Variants in NHSL1 observed in about 807,000 individuals in gnomAD.
NHSL1 encodes NHS-like protein 1.
In NHSL1, 48 loss-of-function variants were observed where a neutral mutation model predicts 95.0. The ratio of observed to expected loss-of-function variants is 0.51; its 90% CI spans 0.40 to 0.64. The LOEUF (loss-of-function observed/expected upper bound fraction) is 0.64. Among genes scored for constraint, NHSL1 ranks in the 30% least tolerant of loss-of-function variants. NHSL1 has a pLI of 0.00. For synonymous variants in NHSL1, 783 were observed against 833.9 expected, an observed-to-expected ratio of 0.94 and a Z score of 1.05; for missense variants, 1,971 against 2,077.7, an observed-to-expected ratio of 0.95 and a Z score of 1.00.
At chr6:138,527,261 G>GA (rs35598042) in intron 1 of NHSL1, among the ~76,000 whole-genome samples, 24,889 of 147,050 alleles carry the variant, frequency 0.17, 2,050 homozygotes, top group Middle Eastern at 0.18. Context: ...GTACAGAAGG[G>GA]AAAAAAAAAA....
At chr6:138,452,005 T>C (rs1203707962) in intron 3 of NHSL1, among the ~76,000 whole-genome samples, 1 of 152,256 alleles carries the variant, frequency 6.6e-6, no homozygotes, top group African/African-American at 2.4e-5. Flanking sequence ...AAATGCTTCA[T>C]GTTAATGAAA....
chr6:138,485,841 T>C (rs1779695676), intron 2 of NHSL1, among the ~76,000 whole-genome samples: 1 of 152,182 alleles, frequency 6.6e-6, no homozygotes, highest in Non-Finnish European at 1.5e-5. Flanking sequence ...TTTTAAGCCT[T>C]TAATAATATC....
chr6:138,466,650 A>G (rs74316573), intron 3 of NHSL1, among the ~76,000 whole-genome samples: 8,463 of 152,210 alleles, frequency 0.056, 650 homozygotes, highest in East Asian at 0.29. Context: ...GTCCCATAAG[A>G]TCATAACGGA....
At chr6:138,568,562 T>G (rs1220718741) in intron 1 of NHSL1, among the ~76,000 whole-genome samples, 1 of 152,256 alleles carries the variant, frequency 6.6e-6, no homozygotes, top group Non-Finnish European at 1.5e-5. Flanking sequence ...TGATCATTGC[T>G]GTTACCCAGT....
intron 1 of NHSL1, among the ~76,000 whole-genome samples, chr6:138,565,377 G>T (rs574350892): frequency 6.6e-6 from 1 of 152,160 alleles, no homozygotes; most frequent in Admixed American, 6.5e-5. Flanking sequence ...CAGGTGCTGG[G>T]ATTATAGGCT....
intron 1 of NHSL1, among the ~76,000 whole-genome samples, chr6:138,617,977 G>A (rs1003316440): frequency 2.0e-5 from 3 of 152,226 alleles, no homozygotes; most frequent in Non-Finnish European, 4.4e-5. Context: ...CCGTGGAGAT[G>A]CAGAGGGACA....
chr6:138,585,411 A>G (rs1394505205), intron 1 of NHSL1, among the ~76,000 whole-genome samples: 1 of 152,216 alleles, frequency 6.6e-6, no homozygotes, highest in Non-Finnish European at 1.5e-5. Flanking sequence ...TTTCTTCACT[A>G]AAGGATGTGA....
At chr6:138,456,699 G>A (rs564278271) in intron 3 of NHSL1, among the ~76,000 whole-genome samples, 32 of 152,156 alleles carry the variant, frequency 2.1e-4, no homozygotes, top group African/African-American at 6.3e-4. Context: ...ATTCCCTATC[G>A]ACTCACAGTA....
chr6:138,448,681 A>G (rs756741217), intron 3 of NHSL1, among the ~76,000 whole-genome samples: 1 of 152,230 alleles, frequency 6.6e-6, no homozygotes, highest in Non-Finnish European at 1.5e-5. Flanking sequence ...CTAACTTTAC[A>G]AGGCATGTTT....
intron 1 of NHSL1, among the ~76,000 whole-genome samples, chr6:138,608,837 C>CT: frequency 6.6e-6 from 1 of 152,290 alleles, no homozygotes; most frequent in East Asian, 1.9e-4. Context: ...CCATCCCTCC[C>CT]TTTTAGGGGA....
At position 138,423,815 on chromosome 6, in the gene NHSL1, C is replaced by CAAA. The variant is rs56326954; in HGVS notation, c.*263_*265dup. ...GCACACATACACACCCAGCATTTAG[C>CAAA]AAAAAAAAAAAAAAAAAAAAAAAAT... is the stretch of plus-strand genomic sequence containing the variant. On this transcript the variant is annotated 3_prime_UTR_variant, in exon 8 of 8. Coordinates refer to ENST00000343505, the MANE Select transcript of NHSL1 (RefSeq NM_001144060.2). 4.3e-4 allele frequency: 60 copies of CAAA among 139,046 alleles called. 1 individual carries two copies. The highest frequency in any genetic ancestry group is 5.7e-4 in the Non-Finnish European group (43 of 75,786). The allele number at this position is 139,046 out of a possible 1,614,324, so 8.6% of individuals were successfully genotyped here. A position where few individuals can be genotyped will look rare whatever the true frequency, so the allele number is the denominator to read the frequency against.
chr6:138,541,026 T>G (rs1782558244), intron 1 of NHSL1, among the ~76,000 whole-genome samples: 1 of 152,198 alleles, frequency 6.6e-6, no homozygotes, highest in African/African-American at 2.4e-5. Flanking sequence ...TATAGTGAAA[T>G]TATTCCTGGG....
At chr6:138,556,615 T>A (rs1187037236) in intron 1 of NHSL1, among the ~76,000 whole-genome samples, 3 of 151,300 alleles carry the variant, frequency 2.0e-5, no homozygotes, top group Non-Finnish European at 4.4e-5. Context: ...CACAAACTAG[T>A]AAAAAGTCAT....
chr6:138,432,801 G>C lies in NHSL1; in HGVS notation c.1544C>G (p.Ala515Gly), dbSNP rs1480768181. Residue 515 changes from alanine to glycine, a missense_variant, in exon 6 of 8, where the codon GCT (alanine) becomes GGT (glycine). Ala to Gly is a moderately conservative substitution (Grantham distance 60). Around this residue, in one of 3 missense-constraint regions of NHSL1, gnomAD observed 1,602 missense variants for 1,654.5 expected, o/e 0.97. Transcript: ENST00000343505. The surrounding 1 kb of genome is among the most constrained non-coding windows in gnomAD (Gnocchi z 4.4). ...APANRENGSQ[A>G]MPYNCRNNLA... ...GTTGTTTCTACAATTATACGGCATA[G>C]CTTGGGACCCATTCTCCCTATTTGC... 1 of 1,551,680 alleles carries C rather than the reference G, an allele frequency of 6.4e-7. No homozygotes were observed.
chr6:138,601,295 C>A (rs185434753), intron 1 of NHSL1, among the ~76,000 whole-genome samples: 182 of 152,226 alleles, frequency 1.2e-3, no homozygotes, highest in African/African-American at 4.2e-3. Flanking sequence ...GTTATGTTCT[C>A]CAGTCCCAAG....
Position 138,615,261 on chromosome 6 carries a change from A to C in NHSL1, c.96+77215T>G, listed in dbSNP as rs1359637599. On this transcript the variant is annotated intron_variant, in intron 1 of 3. Coordinates refer to the NHSL1 transcript ENST00000491526. ...AGGAAAATTTTGTTGTTGCTTGTTC[A>C]AGGCACTCTTATCATATGTTTACAA... is the stretch of plus-strand genomic sequence containing the variant. Among the ~76,000 whole-genome samples, 3 of 152,174 alleles carry C rather than the reference A, an allele frequency of 2.0e-5. No homozygotes were observed. The East Asian group carries it at 5.8e-4, about 29-fold the overall frequency.
intron 1 of NHSL1, among the ~76,000 whole-genome samples, chr6:138,625,944 A>G (rs887657347): frequency 6.6e-6 from 1 of 152,168 alleles, no homozygotes; most frequent in Non-Finnish European, 1.5e-5. Context: ...CACCCAACCG[A>G]AAGTATTTGT....
intron 1 of NHSL1, among the ~76,000 whole-genome samples, chr6:138,562,356 C>A (rs1405758672): frequency 6.6e-6 from 1 of 152,074 alleles, no homozygotes; most frequent in Non-Finnish European, 1.5e-5. Context: ...AATAAAGATA[C>A]CCTAACATGG....
intron 1 of NHSL1, among the ~76,000 whole-genome samples, chr6:138,683,384 G>A (rs758354130): frequency 7.2e-5 from 11 of 152,196 alleles, no homozygotes; most frequent in Non-Finnish European, 1.2e-4. Flanking sequence ...GGACACAGAC[G>A]CACACACATG....
Sources: gnomAD v4.1 joint callset for allele counts (sites outside exome capture counted in the v4.1 genomes callset) on GRCh38, gnomAD v4.1.1 for gene constraint, gnomAD v4.1.1 regional missense constraint, Gnocchi (gnomAD v3.1) non-coding constraint, MANE v1.5 for transcripts, NCBI Gene and HGNC (gene_info 2026-07-23, HGNC 2026-07-21) for gene names.